HPSE2: variants seen among roughly 807,000 people sequenced by gnomAD.
HPSE2 encodes the protein heparanase 2 (inactive).
Under a neutral mutation model 60.5 loss-of-function variants are expected in HPSE2, and 38 were observed. The observed-to-expected ratio is 0.63, with a 90% CI of 0.48 to 0.82. HPSE2 has a LOEUF of 0.82. HPSE2 is among the 40% of genes least tolerant of loss of function. The pLI is 0.00. For synonymous variants in HPSE2, 295 were observed against 293.2 expected, an observed-to-expected ratio of 1.01 and a Z score of -0.06; for missense variants, 713 against 740.4, an observed-to-expected ratio of 0.96 and a Z score of 0.43.
At position 98,743,973 on chromosome 10, in the gene HPSE2, G is replaced by C. The variant is rs966987166; in HGVS notation, c.694C>G (p.Pro232Ala). 5.0e-6 allele frequency: 8 copies of C among 1,613,972 alleles called. No individual in the cohort carries two copies. The highest frequency in any genetic ancestry group is 6.8e-6 in the Non-Finnish European group (8 of 1,179,954). Residue 232 changes from proline (P) to alanine (A), a missense_variant, in exon 4 of 12, where the codon CCC becomes GCC. By Grantham distance (27) the Pro-to-Ala change is conservative. Transcript: ENST00000370552. ...CTAGAACTGTTCCAGGAGTTATTGGGATTACGACGCAGTGCATTTAGAGCA... is the reference window on the plus strand; with the variant it reads ...CTAGAACTGTTCCAGGAGTTATTGGCATTACGACGCAGTGCATTTAGAGCA... ...IFALNALRRNPNNSWNSSSAL... is the reference protein window; with the variant it reads ...IFALNALRRNANNSWNSSSAL...
intron 3 of HPSE2, among the ~76,000 whole-genome samples, chr10:98,759,809 G>A (rs908666554): frequency 6.6e-6 from 1 of 151,900 alleles, no homozygotes; most frequent in Non-Finnish European, 1.5e-5. Context: ...TTTTAGAATT[G>A]TTTTACTATT....
At chr10:98,529,990 T>C (rs1006330254) in intron 9 of HPSE2, among the ~76,000 whole-genome samples, 1 of 152,240 alleles carries the variant, frequency 6.6e-6, no homozygotes, top group African/African-American at 2.4e-5. Context: ...CACTCTGTGA[T>C]AGAGCACCTA....
intron 3 of HPSE2, among the ~76,000 whole-genome samples, chr10:98,972,672 G>A (rs1247442436): frequency 6.6e-6 from 1 of 152,044 alleles, no homozygotes; most frequent in African/African-American, 2.4e-5. Flanking sequence ...AAACAACTTT[G>A]CTACTGTCTT....
chr10:98,806,069 G>C (rs965623430), intron 3 of HPSE2, among the ~76,000 whole-genome samples: 2 of 152,104 alleles, frequency 1.3e-5, no homozygotes, highest in African/African-American at 2.4e-5. Context: ...ATTGTTCTCT[G>C]GTATAGTTTT....
chr10:98,978,413 C>T (rs1359578395), intron 3 of HPSE2, among the ~76,000 whole-genome samples: 2 of 152,104 alleles, frequency 1.3e-5, no homozygotes, highest in African/African-American at 4.8e-5. Flanking sequence ...TAGAATGAAT[C>T]TTGTTTTCCT....
intron 2 of HPSE2, among the ~76,000 whole-genome samples, chr10:99,203,418 G>T (rs987743598): frequency 2.6e-5 from 4 of 151,986 alleles, no homozygotes; most frequent in Non-Finnish European, 5.9e-5. Context: ...TCCTACTCCA[G>T]GTTTCAGACC....
intron 6 of HPSE2, among the ~76,000 whole-genome samples, chr10:98,678,983 G>T (rs1947716678): frequency 6.6e-6 from 1 of 152,066 alleles, no homozygotes; most frequent in Admixed American, 6.6e-5. Flanking sequence ...AGGTCTAAAA[G>T]AATTGGGCAA....
At chr10:98,716,255 T>C (rs765624097) in intron 5 of HPSE2, among the ~76,000 whole-genome samples, 34 of 151,944 alleles carry the variant, frequency 2.2e-4, no homozygotes, top group Non-Finnish European at 4.3e-4. Flanking sequence ...TGCAGTTACT[T>C]ACTCCACTGA....
chr10:98,836,146 C>T (rs1473556272), intron 3 of HPSE2, among the ~76,000 whole-genome samples: 3 of 152,300 alleles, frequency 2.0e-5, no homozygotes, highest in Middle Eastern at 3.4e-3. Flanking sequence ...GCCTTTCCTA[C>T]AAATAAAGCT....
At position 99,148,099 on chromosome 10, in the gene HPSE2, G is replaced by A. The variant is rs115861701; in HGVS notation, c.449-3700C>T. On this transcript the variant is annotated intron_variant, in intron 2 of 11. Coordinates refer to ENST00000370552, the MANE Select transcript of HPSE2 (RefSeq NM_021828.5). ...TGCCAAAATGATTAATGCAATCTTA[G>A]TCTAAATTAACAGAACCAGAACATG... Among the ~76,000 whole-genome samples the A allele has an allele frequency of 4.6e-3, 695 of 152,276 alleles. 4 individuals carry two copies. The highest frequency in any genetic ancestry group is 0.016 in the African/African-American group (665 of 41,548).
At chr10:98,566,323 G>A (rs1176695457) in intron 9 of HPSE2, among the ~76,000 whole-genome samples, 1 of 152,160 alleles carries the variant, frequency 6.6e-6, no homozygotes, top group Non-Finnish European at 1.5e-5. Flanking sequence ...GACTTAACAT[G>A]TGATCTTCTT....
upstream of HPSE2, among the ~76,000 whole-genome samples, chr10:99,238,990 C>G (rs1449267188): frequency 1.3e-5 from 2 of 151,974 alleles, no homozygotes; most frequent in Admixed American, 6.6e-5. Context: ...GAAACCCCGT[C>G]TCTACTAAAA....
At chr10:98,734,786 C>CT (rs140048696) in intron 4 of HPSE2, among the ~76,000 whole-genome samples, 7 of 150,814 alleles carry the variant, frequency 4.6e-5, no homozygotes, top group Admixed American at 2.0e-4. Context: ...ATGACTCACA[C>CT]TTTTTTTTTA....
chr10:98,581,721 A>G (rs1311209746), intron 9 of HPSE2, among the ~76,000 whole-genome samples: 1 of 152,164 alleles, frequency 6.6e-6, no homozygotes, highest in African/African-American at 2.4e-5. Flanking sequence ...AATAAAAGTC[A>G]GTCTGCTTTT....
At chr10:98,957,304 G>A (rs1955534223) in intron 3 of HPSE2, among the ~76,000 whole-genome samples, 1 of 152,110 alleles carries the variant, frequency 6.6e-6, no homozygotes, top group African/African-American at 2.4e-5. Flanking sequence ...CTCTTTGTAA[G>A]TCCCTATTAA....
intron 2 of HPSE2, among the ~76,000 whole-genome samples, chr10:99,153,065 A>G (rs1183220458): frequency 6.6e-6 from 1 of 152,208 alleles, no homozygotes; most frequent in Non-Finnish European, 1.5e-5. Context: ...ACTGCGCACC[A>G]CGAGATTATA....
At position 99,043,987 on chromosome 10, in the gene HPSE2, G is replaced by T. The variant is rs148642844; in HGVS notation, c.610+100251C>A. On this transcript the variant is annotated intron_variant, in intron 3 of 11. Transcript: ENST00000370552. ...TTTCCCTAATCTTCTTGGAGAAGTT[G>T]GTATGCAAATCCAAGAAATACAAAG... Among the ~76,000 whole-genome samples, 477 of 152,154 alleles carry T rather than the reference G, an allele frequency of 3.1e-3. 5 individuals are homozygous for T. Among genetic ancestry groups the T allele is most frequent in the Middle Eastern group, 0.014 (4 of 294 alleles).
intron 3 of HPSE2, among the ~76,000 whole-genome samples, chr10:98,931,339 T>C (rs1954635453): frequency 6.9e-6 from 1 of 144,152 alleles, no homozygotes; most frequent in Non-Finnish European, 1.5e-5. Flanking sequence ...TGCCTGTTTT[T>C]GTACCAGTAC....
chr10:98,902,081 G>A (rs947542), intron 3 of HPSE2, among the ~76,000 whole-genome samples: 29,965 of 151,838 alleles, frequency 0.2, 4,549 homozygotes, highest in African/African-American at 0.41. Context: ...ATTTTTTTCG[G>A]CATTAAAGAT....
Sources: allele counts gnomAD v4.1 joint callset (sites outside exome capture counted in the v4.1 genomes callset), GRCh38; gene constraint gnomAD v4.1.1; transcripts MANE v1.5; gene names NCBI Gene and HGNC (gene_info 2026-07-23, HGNC 2026-07-21).